The following MEIS1 variants were observed in gnomAD, a reference collection of about 807,000 sequenced individuals.
MEIS1 encodes the protein homeobox protein Meis1.
Under a neutral mutation model 50.8 loss-of-function variants are expected in MEIS1, and 5 were observed. The ratio of observed to expected loss-of-function variants is 0.10; its 90% CI spans 0.05 to 0.21. MEIS1 has a LOEUF of 0.21. Among genes scored for constraint, MEIS1 ranks in the 10% least tolerant of loss-of-function variants. The probability of loss-of-function intolerance (pLI) is 1.00; values close to 1 mark genes in which losing one functional copy is unlikely to be tolerated. For synonymous variants in MEIS1, 176 were observed against 179.3 expected (o/e 0.98, Z 0.15); for missense variants, 318 against 517.3 (o/e 0.61, Z 3.74).
At chr2:66,530,835 T>G (rs1245733661) in intron 8 of MEIS1, among the ~76,000 whole-genome samples, 1 of 152,238 alleles carries the variant, frequency 6.6e-6, no homozygotes, top group East Asian at 1.9e-4. Flanking sequence ...TTATCTCAGC[T>G]TTGGAGGAAG....
At chr2:66,562,395 G>GA (rs34726376) in intron 9 of MEIS1, among the ~76,000 whole-genome samples, 3,304 of 136,568 alleles carry the variant, frequency 0.024, 52 homozygotes, top group South Asian at 0.064. Context: ...TAGTCCAGTG[G>GA]AAAAAAAAAA....
chr2:66,458,694 A>G (rs1046387306), intron 6 of MEIS1, among the ~76,000 whole-genome samples: 1 of 152,142 alleles, frequency 6.6e-6, no homozygotes, highest in Non-Finnish European at 1.5e-5. Flanking sequence ...TTCCAACAGG[A>G]CTAGCTTTAA....
chr2:66,533,148 C>T (rs888325166), intron 8 of MEIS1, among the ~76,000 whole-genome samples: 1 of 152,174 alleles, frequency 6.6e-6, no homozygotes, highest in South Asian at 2.1e-4. Flanking sequence ...ATCCTCTGCT[C>T]CCTTTTCTCG....
chr2:66,440,057 G>GAACACACA (rs745369249), intron 3 of MEIS1, 73 bp downstream of exon 3: 3 of 1,297,514 alleles, frequency 2.3e-6, no homozygotes, highest in African/African-American at 5.5e-5. Flanking sequence ...ACACGCGCGC[G>GAACACACA]CGCGCGCGCG....
chr2:66,473,397 A>AAAATATATATATATAT, intron 7 of MEIS1, among the ~76,000 whole-genome samples: 5 of 107,588 alleles, frequency 4.6e-5, no homozygotes, highest in African/African-American at 2.3e-4. Flanking sequence ...AAAAAAAAAA[A>AAAATATATATATATAT]ATATATATAT....
At chr2:66,568,010 T>A (rs1448573033) in intron 10 of MEIS1, 1 of 198,660 alleles carries the variant, frequency 5.0e-6, no homozygotes, top group Non-Finnish European at 1.0e-5. Flanking sequence ...CAGCTTTTCA[T>A]GTACAGTTAA....
chr2:66,565,658 C>G (rs1246064309), intron 9 of MEIS1, among the ~76,000 whole-genome samples: 1 of 152,062 alleles, frequency 6.6e-6, no homozygotes, highest in Non-Finnish European at 1.5e-5. Flanking sequence ...ATGTCTCTTC[C>G]TATTTTTAGG....
chr2:66,512,443 T>C, intron 8 of MEIS1, 149 bp downstream of exon 8: 1 of 795,154 alleles, frequency 1.3e-6, no homozygotes, highest in Non-Finnish European at 1.9e-6. Flanking sequence ...TATTAGCACT[T>C]ATTTCTTAGA....
Position 66,515,181 on chromosome 2 carries a change from C to T in MEIS1, c.888+2887C>T, listed in dbSNP as rs953485648. On this transcript the variant is annotated intron_variant, in intron 8 of 12. Coordinates refer to ENST00000272369, the MANE Select transcript of MEIS1 (RefSeq NM_002398.3). The stretch of plus-strand genomic sequence containing the variant: ...CCATTGAAATTCTGGCTAATTAAAA[C>T]AATAGCAATACCAATTTATTAGTAA... Among the ~76,000 whole-genome samples, 26 of 152,156 alleles carry T rather than the reference C, an allele frequency of 1.7e-4. 1 individual carries two copies. The highest frequency in any genetic ancestry group is 1.3e-3 in the Admixed American group (20 of 15,266).
At chr2:66,476,148 G>A (rs1672888059) in intron 7 of MEIS1, among the ~76,000 whole-genome samples, 1 of 152,170 alleles carries the variant, frequency 6.6e-6, no homozygotes, top group African/African-American at 2.4e-5. Context: ...ACAATGGTTA[G>A]AATGGAGATG....
chr2:66,494,099 T>A (rs1346242860), intron 7 of MEIS1, among the ~76,000 whole-genome samples: 2 of 150,978 alleles, frequency 1.3e-5, no homozygotes, highest in East Asian at 3.9e-4. Flanking sequence ...AGATCATACT[T>A]CATCAGTTCA....
At chr2:66,490,673 A>C (rs1326865932) in intron 7 of MEIS1, among the ~76,000 whole-genome samples, 1 of 152,130 alleles carries the variant, frequency 6.6e-6, no homozygotes, top group African/African-American at 2.4e-5. Context: ...TGTGATTCAC[A>C]GAGTTGAATG....
intron 8 of MEIS1, among the ~76,000 whole-genome samples, chr2:66,521,307 T>C (rs1674113507): frequency 6.6e-6 from 1 of 152,302 alleles, no homozygotes; most frequent in East Asian, 1.9e-4. Context: ...GAAGAATCTT[T>C]CCTCATGCAG....
chr2:66,501,574 G>A (rs1289145828), intron 7 of MEIS1, among the ~76,000 whole-genome samples: 2 of 151,198 alleles, frequency 1.3e-5, no homozygotes, highest in East Asian at 3.9e-4. Context: ...TCCCCTGAGG[G>A]GAATTCAAGT....
rs556201287 is a variant in MEIS1, at chr2:66,531,686, G to A, written c.889-16257G>A. 1.2e-4 allele frequency among the ~76,000 whole-genome samples: 18 copies of A among 152,296 alleles called. No homozygotes were observed. In the East Asian group the frequency reaches 2.3e-3, roughly 20 times the overall value. On this transcript the variant is annotated intron_variant, in intron 8 of 12. Coordinates refer to ENST00000272369, the MANE Select transcript of MEIS1 (RefSeq NM_002398.3). The stretch of plus-strand genomic sequence containing the variant: ...AACATTAATACTCGCTGACATTGCC[G>A]AAGGAATGATATGTCAACTTGACAG...
intron 8 of MEIS1, among the ~76,000 whole-genome samples, chr2:66,544,421 T>C (rs1446823592): frequency 6.6e-6 from 1 of 152,160 alleles, no homozygotes; most frequent in Non-Finnish European, 1.5e-5. Flanking sequence ...CTACATGAAG[T>C]CACGGCTTTC....
At chr2:66,448,457 T>A (rs1439976253) in intron 6 of MEIS1, among the ~76,000 whole-genome samples, 1 of 152,174 alleles carries the variant, frequency 6.6e-6, no homozygotes, top group East Asian at 1.9e-4. Flanking sequence ...AGGCCTACTG[T>A]CCTAAAACTA....
chr2:66,442,610 G>T (rs1041343041), intron 5 of MEIS1, among the ~76,000 whole-genome samples: 7 of 152,090 alleles, frequency 4.6e-5, no homozygotes, highest in Non-Finnish European at 1.0e-4. Flanking sequence ...ACCTACGCAG[G>T]TCACCTCTCT....
At chr2:66,556,263 T>C (rs1249080760) in intron 9 of MEIS1, among the ~76,000 whole-genome samples, 3 of 152,188 alleles carry the variant, frequency 2.0e-5, no homozygotes, top group African/African-American at 7.2e-5. Context: ...AACAAAAGAA[T>C]ATTAATCTGT....
Sources: gnomAD v4.1 joint callset for allele counts (sites outside exome capture counted in the v4.1 genomes callset) on GRCh38, gnomAD v4.1.1 for gene constraint, MANE v1.5 for transcripts, NCBI Gene and HGNC (gene_info 2026-07-23, HGNC 2026-07-21) for gene names.